The following TTI1 variants were observed in gnomAD, a reference collection of about 807,000 sequenced individuals.
TTI1 encodes TELO2 interacting protein 1.
Under a neutral mutation model 85.4 loss-of-function variants are expected in TTI1, and 52 were observed. The observed-to-expected ratio is 0.61, with a 90% CI of 0.49 to 0.77. TTI1 has a LOEUF of 0.77. Ranked by LOEUF, TTI1 falls within the 30% of genes least tolerant of loss-of-function variation. TTI1 has a pLI of 0.00. For synonymous variants in TTI1, 512 were observed against 503.9 expected, an observed-to-expected ratio of 1.02 and a Z score of -0.22; for missense variants, 1,173 against 1,296.0, an observed-to-expected ratio of 0.91 and a Z score of 1.46.
chr20:37,995,118 C>G (rs1157804361), intron 7 of TTI1, among the ~76,000 whole-genome samples: 1 of 152,212 alleles, frequency 6.6e-6, no homozygotes, highest in Non-Finnish European at 1.5e-5. Flanking sequence ...GGACTATTTT[C>G]ACCCTAAATT....
At chr20:38,015,319 G>C (rs2073667017) in intron 1 of TTI1, among the ~76,000 whole-genome samples, 1 of 152,146 alleles carries the variant, frequency 6.6e-6, no homozygotes, top group South Asian at 2.1e-4. Flanking sequence ...TGTATCTCAT[G>C]CTCTCTGTGG....
In TTI1 at chr20:38,013,155, A is replaced by G; in HGVS notation, c.662T>C (p.Ile221Thr). ...GTGACCTTGTTTAAAGTCTCCTGTG[A>G]TAAGCCTGGTCAGTGCAGTTGAGAT... ...PGISTALTRLITGDFKQGHSI... is the reference protein window; with the variant it reads ...PGISTALTRLTTGDFKQGHSI... Residue 221 changes from isoleucine (I) to threonine (T), a missense_variant, in exon 2 of 8, where the codon ATC (isoleucine) becomes ACC (threonine). Transcript: ENST00000373447. The G allele has an allele frequency of 6.2e-7, 1 of 1,614,184 alleles. No individual in the cohort carries two copies. The highest frequency in any genetic ancestry group is 2.2e-5 in the East Asian group (1 of 44,884).
intron 2 of TTI1, among the ~76,000 whole-genome samples, chr20:38,010,232 T>C (rs2073563081): frequency 6.6e-6 from 1 of 152,208 alleles, no homozygotes; most frequent in Non-Finnish European, 1.5e-5. Flanking sequence ...CCTGCCCCAG[T>C]TACCTTCCAT....
At chr20:38,021,835 G>A (rs1182550382) in intron 1 of TTI1, among the ~76,000 whole-genome samples, 2 of 152,166 alleles carry the variant, frequency 1.3e-5, no homozygotes, top group Non-Finnish European at 2.9e-5. Flanking sequence ...TGGTGTAAAG[G>A]TGGTGAAGAC....
At chr20:37,985,376 A>G (rs6013590) in intron 7 of TTI1, among the ~76,000 whole-genome samples, 88,150 of 152,048 alleles carry the variant, frequency 0.58, 27,971 homozygotes, top group African/African-American at 0.86. Context: ...TAAATTCTGG[A>G]TTTTAATTTC....
At position 37,987,847 on chromosome 20, in the gene TTI1, G is replaced by C. The variant is rs542202411; in HGVS notation, c.3087-4208C>G. On this transcript the variant is annotated intron_variant, in intron 7 of 7. Transcript: ENST00000373447. The stretch of plus-strand genomic sequence containing the variant: ...CCCTATCTACAACTGACGGCTATCA[G>C]TAAGTACCTAATAAACTCCAGATGC... Among the ~76,000 whole-genome samples, 112 of 152,318 alleles carry C rather than the reference G, an allele frequency of 7.4e-4. 2 individuals carry two copies. Among genetic ancestry groups the C allele is most frequent in the Admixed American group, 1.4e-3 (21 of 15,294 alleles).
chr20:38,012,635 G>C lies in TTI1; in HGVS notation c.1182C>G (p.Asp394Glu). Residue 394 changes from aspartate to glutamate, a missense_variant, in exon 2 of 8, where the codon GAC (aspartate) becomes GAG (glutamate). Asp to Glu is a conservative substitution (Grantham distance 45, BLOSUM62 2). Coordinates refer to ENST00000373447, the MANE Select transcript of TTI1 (RefSeq NM_001303457.2). ...SLPRLMNSQD[D>E]QGKFSTLSLL... ...AGGAAAGAGTAGAGAATTTGCCCTG[G>C]TCATCTTGGGAGTTCATTAGGCGAG... 1 of 1,614,230 alleles carries C rather than the reference G, an allele frequency of 6.2e-7. No homozygotes were observed. Among genetic ancestry groups the C allele is most frequent in the Non-Finnish European group, 8.5e-7 (1 of 1,180,054 alleles).
intron 1 of TTI1, among the ~76,000 whole-genome samples, chr20:38,017,404 TTGTGTGTG>T (rs66542554): frequency 7.5e-5 from 11 of 146,242 alleles, no homozygotes; most frequent in Admixed American, 2.0e-4. Context: ...AATCAATAGC[TTGTGTGTG>T]TGTGTGTGTG....
At position 38,011,870 on chromosome 20, in the gene TTI1, C is replaced by G; in HGVS notation, c.1947G>C (p.Leu649Phe). 1.1e-5 allele frequency: 18 copies of G among 1,614,226 alleles called. No homozygotes were observed. Among genetic ancestry groups the G allele is most frequent in the Non-Finnish European group, 1.5e-5 (18 of 1,180,044 alleles). The stretch of plus-strand genomic sequence containing the variant: ...CCAGTACTGGATAAAGGGCTGACAT[C>G]AAGAGCAAACAGAAGTCTTTTCCTA... ...YALGKDFCLL[L>F]MSALYPVLEK... The change falls in exon 2 of 8, where the codon TTG (leucine) becomes TTC (phenylalanine). Residue 649 changes from leucine to phenylalanine, a missense_variant. Transcript: ENST00000373447.
intron 2 of TTI1, among the ~76,000 whole-genome samples, chr20:38,009,704 G>C (rs1435395476): frequency 6.6e-6 from 1 of 151,810 alleles, no homozygotes; most frequent in African/African-American, 2.4e-5. Flanking sequence ...GGCCATACTA[G>C]GTTGCCCAGG....
At chr20:38,017,701 C>A (rs1046010620) in intron 1 of TTI1, among the ~76,000 whole-genome samples, 1 of 152,056 alleles carries the variant, frequency 6.6e-6, no homozygotes, top group Admixed American at 6.5e-5. Flanking sequence ...TTGATGGACT[C>A]GAAATACTTA....
At chr20:37,987,392 G>A (rs2073205368) in intron 7 of TTI1, 2 of 456,466 alleles carry the variant, frequency 4.4e-6, no homozygotes. Context: ...GATGCGCAGG[G>A]ATGGCTGTTG....
chr20:37,990,621 T>A (rs1392912684), intron 7 of TTI1, among the ~76,000 whole-genome samples: 1 of 152,236 alleles, frequency 6.6e-6, no homozygotes, highest in East Asian at 1.9e-4. Context: ...GGCTACTTTA[T>A]TTACTCAGTA....
At chr20:38,031,994 G>C (rs1017022425) in intron 1 of TTI1, among the ~76,000 whole-genome samples, 1 of 152,128 alleles carries the variant, frequency 6.6e-6, no homozygotes, top group Non-Finnish European at 1.5e-5. Flanking sequence ...TCTAGATTTC[G>C]ACACAAAAGC....
At chr20:38,020,932 G>A (rs1419597434) in intron 1 of TTI1, among the ~76,000 whole-genome samples, 2 of 152,136 alleles carry the variant, frequency 1.3e-5, no homozygotes, top group African/African-American at 2.4e-5. Flanking sequence ...CGGAAAACTC[G>A]TTGGCAGTAT....
chr20:38,020,319 A>ATATATATATATATAT (rs1555795761), intron 1 of TTI1, among the ~76,000 whole-genome samples: 54 of 44,110 alleles, frequency 1.2e-3, no homozygotes, highest in African/African-American at 3.7e-3. Flanking sequence ...TGAAAAAAAA[A>ATATATATATATATAT]AAAAATATAT....
chr20:37,988,308 T>C (rs1266933406), intron 7 of TTI1, among the ~76,000 whole-genome samples: 1 of 150,928 alleles, frequency 6.6e-6, no homozygotes, highest in Non-Finnish European at 1.5e-5. Context: ...ACCACGAGAG[T>C]TTTCAATCAT....
intron 1 of TTI1, among the ~76,000 whole-genome samples, chr20:38,022,501 T>C (rs147579060): frequency 6.6e-6 from 1 of 152,366 alleles, no homozygotes; most frequent in East Asian, 1.9e-4. Context: ...TAAATGCTCA[T>C]TGAATTAGTG....
chr20:38,028,953 T>C (rs191202686), intron 1 of TTI1, among the ~76,000 whole-genome samples: 74 of 152,312 alleles, frequency 4.9e-4, no homozygotes, highest in Middle Eastern at 3.4e-3. Context: ...GTGATCCTCC[T>C]GCCTTGACCT....
Sources: gnomAD v4.1 joint callset for allele counts (sites outside exome capture counted in the v4.1 genomes callset) on GRCh38, gnomAD v4.1.1 for gene constraint, MANE v1.5 for transcripts, NCBI Gene and HGNC (gene_info 2026-07-23, HGNC 2026-07-21) for gene names.